Variants in SPON1 observed in about 807,000 individuals in gnomAD.
SPON1 encodes the protein spondin-1.
SPON1 carries 52 observed loss-of-function variants against 111.7 expected under a neutral mutation model. The ratio of observed to expected loss-of-function variants is 0.47; its 90% CI spans 0.37 to 0.59. The LOEUF (loss-of-function observed/expected upper bound fraction) is 0.59, where lower values mean the gene tolerates loss of function less well. SPON1 is among the 20% of genes least tolerant of loss of function. The pLI is 0.00. For missense variants in SPON1, 957 were observed against 1,068.5 expected (o/e 0.90, Z 1.46); for synonymous variants, 410 against 395.8 (o/e 1.04, Z -0.43).
chr11:14,058,733 C>G (rs1442905131), intron 3 of SPON1, among the ~76,000 whole-genome samples: 1 of 152,162 alleles, frequency 6.6e-6, no homozygotes, highest in African/African-American at 2.4e-5. Flanking sequence ...GGGTATTGCT[C>G]TAATTTTTTA....
intron 15 of SPON1, 171 bp downstream of exon 15, chr11:14,263,146 A>G (rs951298187): frequency 2.3e-5 from 15 of 666,402 alleles, no homozygotes; most frequent in Admixed American, 1.5e-4. Context: ...TTTGTTCCCA[A>G]ATATTGAGCA....
At chr11:14,154,049 A>C (rs1404856748) in intron 6 of SPON1, among the ~76,000 whole-genome samples, 1 of 152,140 alleles carries the variant, frequency 6.6e-6, no homozygotes, top group South Asian at 2.1e-4. Context: ...TTCTGTGGCT[A>C]TGCAGGGTAT....
chr11:14,149,988 T>C (rs10741640), intron 6 of SPON1, among the ~76,000 whole-genome samples: 59,277 of 151,946 alleles, frequency 0.39, 11,807 homozygotes, highest in East Asian at 0.55. Flanking sequence ...AACAGGTGAT[T>C]ACACCAGTAT....
chr11:14,127,396 C>A (rs1554927105), intron 5 of SPON1, among the ~76,000 whole-genome samples: 2 of 152,178 alleles, frequency 1.3e-5, no homozygotes, highest in African/African-American at 4.8e-5. Context: ...CTCCTGGCCC[C>A]TTGTCCCCAT....
rs781894396 is a variant in SPON1 at position 14,259,383 on chromosome 11, G to A, written c.1596G>A (p.Pro532=). The A allele has an allele frequency of 1.0e-4, 162 of 1,611,186 alleles. No individual in the cohort carries two copies. Among genetic ancestry groups the A allele is most frequent in the Non-Finnish European group, 1.2e-4 (147 of 1,179,096 alleles). The stretch of plus-strand genomic sequence containing the variant: ...GGGAGAGGTATGTGAAGCAGTTCCC[G>A]GAGGACGGCTCCGTGTGCACGCTGC... ...RSRERYVKQF[P]EDGSVCTLPT... Residue 532 remains proline (P), a synonymous_variant, in exon 12 of 16, where the codon CCG becomes CCA. Coordinates refer to ENST00000576479, the MANE Select transcript of SPON1 (RefSeq NM_006108.4). This position sits in a 1 kb window ranked among gnomAD's most constrained non-coding sequence, Gnocchi z 5.0.
At chr11:14,031,234 G>T (rs1881518) in intron 2 of SPON1, among the ~76,000 whole-genome samples, 1 of 152,020 alleles carries the variant, frequency 6.6e-6, no homozygotes, top group Non-Finnish European at 1.5e-5. Flanking sequence ...AGGTCTGAAA[G>T]ACTACCTTTT....
chr11:14,034,270 A>C lies in SPON1; in HGVS notation c.346-7251A>C, dbSNP rs545431385. 2.0e-4 allele frequency among the ~76,000 whole-genome samples: 30 copies of C among 152,228 alleles called. No individual in the cohort carries two copies. In the South Asian group the frequency reaches 6.0e-3, roughly 31 times the overall value. On this transcript the variant is annotated intron_variant, in intron 2 of 15. Transcript: ENST00000576479. The stretch of plus-strand genomic sequence containing the variant: ...CATAATACTATTACTAGACACAACC[A>C]CTCCATTGTAATATGTTTTAATTTT...
chr11:13,986,609 C>T (rs1336563919), intron 2 of SPON1, among the ~76,000 whole-genome samples: 2 of 149,694 alleles, frequency 1.3e-5, no homozygotes, highest in African/African-American at 4.9e-5. Context: ...TTCTGGGGTA[C>T]GTGTGCAGTT....
At chr11:14,006,738 C>T (rs1554913190) in intron 2 of SPON1, among the ~76,000 whole-genome samples, 2 of 152,146 alleles carry the variant, frequency 1.3e-5, no homozygotes, top group East Asian at 3.9e-4. Context: ...ACCAATCTAG[C>T]AAAACTCCAG....
At chr11:14,146,346 C>T (rs988096488) in intron 6 of SPON1, among the ~76,000 whole-genome samples, 9 of 152,020 alleles carry the variant, frequency 5.9e-5, no homozygotes, top group Non-Finnish European at 1.5e-5. Context: ...GACGGGGTTT[C>T]ACCATGTTGG....
intron 1 of SPON1, among the ~76,000 whole-genome samples, chr11:13,966,237 A>G (rs1220768027): frequency 2.0e-5 from 3 of 152,006 alleles, no homozygotes; most frequent in Non-Finnish European, 4.4e-5. Context: ...ATTGTGCTTT[A>G]GAAAGCTCTG....
intron 6 of SPON1, among the ~76,000 whole-genome samples, chr11:14,240,139 ACT>A (rs1318058096): frequency 6.6e-6 from 1 of 152,026 alleles, no homozygotes; most frequent in African/African-American, 2.4e-5. Context: ...CTGCTACATA[ACT>A]CTCTGCATAC....
At chr11:14,011,823 C>T (rs1192010358) in intron 2 of SPON1, among the ~76,000 whole-genome samples, 5 of 152,006 alleles carry the variant, frequency 3.3e-5, no homozygotes, top group African/African-American at 1.2e-4. Flanking sequence ...AGAGGGAACC[C>T]TAAAGAACAA....
Position 14,027,742 on chromosome 11 carries a change from TGTAAA to T in SPON1, c.346-13775_346-13771del, listed in dbSNP as rs566357292. Among the ~76,000 whole-genome samples the T allele has an allele frequency of 2.9e-3, 440 of 152,360 alleles. 5 individuals carry two copies. The highest frequency in any genetic ancestry group is 0.01 in the African/African-American group (418 of 41,576). On this transcript the variant is annotated intron_variant, in intron 2 of 15. Coordinates refer to ENST00000576479, the MANE Select transcript of SPON1 (RefSeq NM_006108.4). ...ATCATAAATCTGAATGAAGTAATTA[TGTAAA>T]GTATTCAAGAGCAATTCAGTAAGAA...
At chr11:13,980,331 G>A (rs554157929) in intron 1 of SPON1, among the ~76,000 whole-genome samples, 92 of 152,222 alleles carry the variant, frequency 6.0e-4, no homozygotes, top group African/African-American at 2.0e-3. Context: ...ATGAGCTGCC[G>A]CGCCTAGCCC....
chr11:14,193,400 G>A (rs547332047), intron 6 of SPON1, among the ~76,000 whole-genome samples: 12 of 152,300 alleles, frequency 7.9e-5, no homozygotes, highest in South Asian at 4.1e-4. Flanking sequence ...CTGACAGCTT[G>A]TGAAGGTGTA....
chr11:14,160,681 A>ATATATATATTTATATATTTACATATATT (rs1847918215), intron 6 of SPON1, among the ~76,000 whole-genome samples: 2 of 8,240 alleles, frequency 2.4e-4, no homozygotes, highest in Non-Finnish European at 3.7e-4. Context: ...ACATATATTT[A>ATATATATATTTATATATTTACATATATT]TATATATATT....
At chr11:13,980,680 T>C (rs1848137379) in intron 1 of SPON1, among the ~76,000 whole-genome samples, 2 of 152,246 alleles carry the variant, frequency 1.3e-5, no homozygotes, top group Non-Finnish European at 2.9e-5. Context: ...AATGCCCCTC[T>C]TTAACAGGAG....
At chr11:14,107,785 T>A (rs971375773) in intron 5 of SPON1, among the ~76,000 whole-genome samples, 1 of 152,108 alleles carries the variant, frequency 6.6e-6, no homozygotes, top group Non-Finnish European at 1.5e-5. Context: ...AATCTAGGTT[T>A]CTTTTGCACC....
Sources: allele counts gnomAD v4.1 joint callset (sites outside exome capture counted in the v4.1 genomes callset), GRCh38; gene constraint gnomAD v4.1.1; non-coding constraint Gnocchi (gnomAD v3.1); transcripts MANE v1.5; gene names NCBI Gene and HGNC (gene_info 2026-07-23, HGNC 2026-07-21).